ROBO1: variants seen among roughly 807,000 people sequenced by gnomAD.
ROBO1 encodes roundabout homolog 1.
Under a neutral mutation model 195.9 loss-of-function variants are expected in ROBO1, and 149 were observed. The observed-to-expected ratio is 0.76, with a 90% confidence interval of 0.67 to 0.87. The LOEUF (loss-of-function observed/expected upper bound fraction) is 0.87. ROBO1 is among the 40% of genes least tolerant of loss of function. The probability of loss-of-function intolerance (pLI) is 0.00; values close to 1 mark genes in which losing one functional copy is unlikely to be tolerated. For missense variants in ROBO1, 1,933 were observed against 2,068.3 expected, an observed-to-expected ratio of 0.93 and a Z score of 1.27; for synonymous variants, 816 against 733.2, an observed-to-expected ratio of 1.11 and a Z score of -1.82.
chr3:79,637,524 A>C (rs1945531413), intron 1 of ROBO1, among the ~76,000 whole-genome samples: 1 of 152,270 alleles, frequency 6.6e-6, no homozygotes, highest in East Asian at 1.9e-4. Flanking sequence ...TATTATAAAA[A>C]GTTTGAAAAT....
Position 79,141,222 on chromosome 3 carries a change from C to T in ROBO1, c.89-15683G>A, listed in dbSNP as rs1385405509. ...AGATCATGTGACGACTGCGATTCCTCCCCACCTGCCCTCCCTCGTGTGTCC... is the reference window on the plus strand; with the variant it reads ...AGATCATGTGACGACTGCGATTCCTTCCCACCTGCCCTCCCTCGTGTGTCC... On this transcript the variant is annotated intron_variant, in intron 2 of 30. Coordinates refer to ENST00000464233, the MANE Select transcript of ROBO1 (RefSeq NM_002941.4). Among the ~76,000 whole-genome samples, 8 of 152,074 alleles carry T rather than the reference C, an allele frequency of 5.3e-5. 1 individual carries two copies. Among genetic ancestry groups the T allele is most frequent in the Non-Finnish European group, 2.9e-5 (2 of 68,026 alleles).
chr3:79,013,236 A>G (rs1297023658), intron 3 of ROBO1, among the ~76,000 whole-genome samples: 2 of 152,170 alleles, frequency 1.3e-5, no homozygotes, highest in Admixed American at 1.3e-4. Context: ...AGAGCAGAGC[A>G]AAATCTTTCC....
chr3:79,516,332 C>T (rs940820045), intron 2 of ROBO1, among the ~76,000 whole-genome samples: 2 of 152,086 alleles, frequency 1.3e-5, no homozygotes, highest in Non-Finnish European at 2.9e-5. Flanking sequence ...TCTTCATTCA[C>T]AGCTCTCAAT....
Position 78,614,705 on chromosome 3 carries a change from G to T in ROBO1, c.4378C>A (p.Pro1460Thr), listed in dbSNP as rs768938856. Residue 1460 changes from proline (P) to threonine (T), a missense_variant, in exon 28 of 31, where the codon CCA becomes ACA. By Grantham distance (38) the Pro-to-Thr change is conservative. Around this residue, in one of 3 missense-constraint regions of ROBO1, gnomAD observed 1,737 missense variants for 1,882.5 expected, o/e 0.92. Transcript: ENST00000464233. ...MSAAVMQKTR[P>T]AKKLKHQPGH... ...GGCTGGTGTTTCAGTTTCTTGGCTG[G>T]TCTGGTTTTCTGCATTACGGCGGCA... The T allele has an allele frequency of 5.2e-5, 84 of 1,613,418 alleles. No individual in the cohort carries two copies. In the Admixed American group the frequency reaches 1.4e-3, roughly 26 times the overall value.
chr3:79,147,919 G>A (rs181880385), intron 2 of ROBO1, among the ~76,000 whole-genome samples: 2 of 151,814 alleles, frequency 1.3e-5, no homozygotes, highest in African/African-American at 2.4e-5. Flanking sequence ...GTAACTTTAG[G>A]TATCTTTCCA....
intron 2 of ROBO1, among the ~76,000 whole-genome samples, chr3:79,215,075 G>A (rs1481435224): frequency 2.0e-5 from 3 of 151,840 alleles, no homozygotes; most frequent in African/African-American, 7.3e-5. Flanking sequence ...CCTTTATCCC[G>A]GCCTGACCAG....
intron 2 of ROBO1, among the ~76,000 whole-genome samples, chr3:79,341,752 T>G (rs1196433221): frequency 6.6e-6 from 1 of 152,196 alleles, no homozygotes; most frequent in Non-Finnish European, 1.5e-5. Context: ...CCATATATTT[T>G]TCCATTAATA....
At chr3:79,226,136 T>C (rs75358489) in intron 2 of ROBO1, among the ~76,000 whole-genome samples, 2,010 of 152,282 alleles carry the variant, frequency 0.013, 19 homozygotes, top group Non-Finnish European at 0.022. Context: ...ATGCACTTTT[T>C]CGTAGTGGGC....
In ROBO1 at chr3:79,586,681, T is replaced by C. The variant is rs561602498; in HGVS notation, c.88+3143A>G. Reference sequence around the variant, plus strand: ...TTTACCATAGAGGTTTTTTAATTTTTTAATTAAATTCCACTATATGTGAAA... The same window carrying C: ...TTTACCATAGAGGTTTTTTAATTTTCTAATTAAATTCCACTATATGTGAAA... On this transcript the variant is annotated intron_variant, in intron 2 of 30. Transcript: ENST00000464233. Among the ~76,000 whole-genome samples the C allele has an allele frequency of 1.2e-4, 19 of 152,024 alleles. No individual in the cohort carries two copies. The South Asian group carries it at 3.1e-3, about 25-fold the overall frequency.
chr3:79,158,558 ATC>A (rs1439150211), intron 2 of ROBO1, among the ~76,000 whole-genome samples: 1 of 151,578 alleles, frequency 6.6e-6, no homozygotes, highest in Non-Finnish European at 1.5e-5. Flanking sequence ...TTGGCTAGAT[ATC>A]TGTTTCCTTG....
chr3:79,313,010 C>G (rs1366898090), intron 2 of ROBO1, among the ~76,000 whole-genome samples: 1 of 151,798 alleles, frequency 6.6e-6, no homozygotes, highest in Non-Finnish European at 1.5e-5. Flanking sequence ...ATGATATATT[C>G]TAAAAATTCT....
At chr3:79,444,705 G>A (rs545285063) in intron 2 of ROBO1, among the ~76,000 whole-genome samples, 28 of 151,874 alleles carry the variant, frequency 1.8e-4, no homozygotes, top group African/African-American at 6.3e-4. Context: ...AAATAATGGC[G>A]AATCAAATGT....
At chr3:78,680,271 G>A (rs2080862917) in intron 10 of ROBO1, among the ~76,000 whole-genome samples, 2 of 152,192 alleles carry the variant, frequency 1.3e-5, no homozygotes, top group African/African-American at 2.4e-5. Flanking sequence ...CATAGGCATG[G>A]GCAAGGACTT....
intron 28 of ROBO1, among the ~76,000 whole-genome samples, chr3:78,608,323 C>G (rs1345584730): frequency 6.6e-6 from 1 of 152,038 alleles, no homozygotes; most frequent in African/African-American, 2.4e-5. Flanking sequence ...TCAGGCTGGT[C>G]TCGAACTCCT....
At chr3:78,727,061 C>T (rs1038107639) in intron 5 of ROBO1, among the ~76,000 whole-genome samples, 1 of 152,096 alleles carries the variant, frequency 6.6e-6, no homozygotes, top group Admixed American at 6.5e-5. Flanking sequence ...TTTTCTAATG[C>T]ATGCCATCCT....
intron 4 of ROBO1, among the ~76,000 whole-genome samples, chr3:78,788,298 T>C (rs1286273081): frequency 6.6e-6 from 1 of 151,568 alleles, no homozygotes; most frequent in Non-Finnish European, 1.5e-5. Context: ...TTTTGTATTT[T>C]TAGTAGAGAC....
intron 4 of ROBO1, among the ~76,000 whole-genome samples, chr3:78,891,466 G>A (rs1178858617): frequency 6.6e-6 from 1 of 152,072 alleles, no homozygotes; most frequent in African/African-American, 2.4e-5. Flanking sequence ...ACCATGGATG[G>A]CAAAAATAGA....
At chr3:79,097,341 A>G (rs1187505898) in intron 3 of ROBO1, among the ~76,000 whole-genome samples, 2 of 151,864 alleles carry the variant, frequency 1.3e-5, no homozygotes, top group African/African-American at 4.8e-5. Flanking sequence ...TGAATTTTTA[A>G]CTTCAAAAAC....
At chr3:79,055,676 T>C (rs1009035646) in intron 3 of ROBO1, among the ~76,000 whole-genome samples, 1 of 152,210 alleles carries the variant, frequency 6.6e-6, no homozygotes. Flanking sequence ...CAGCATGTGA[T>C]GGAAAACATG....
Sources: allele counts gnomAD v4.1 joint callset (sites outside exome capture counted in the v4.1 genomes callset), GRCh38; gene constraint gnomAD v4.1.1; regional missense constraint gnomAD v4.1.1; transcripts MANE v1.5; gene names NCBI Gene and HGNC (gene_info 2026-07-23, HGNC 2026-07-21).